The following CTNNA2 variants were observed in gnomAD, a reference collection of about 807,000 sequenced individuals.
CTNNA2 encodes catenin alpha-2.
A neutral mutation model predicts 101.0 loss-of-function variants in CTNNA2; 42 were observed. That is an observed-to-expected ratio of 0.42 (90% confidence interval 0.32 to 0.54). The LOEUF is 0.54. Among genes scored for constraint, CTNNA2 ranks in the 20% least tolerant of loss-of-function variants. CTNNA2 has a pLI of 0.14. For missense variants in CTNNA2, 871 were observed against 1,223.1 expected (o/e 0.71, Z 4.29); for synonymous variants, 450 against 456.4 (o/e 0.99, Z 0.18).
At chr2:79,443,228 A>G (rs915040586) in intron 4 of CTNNA2, among the ~76,000 whole-genome samples, 1 of 152,130 alleles carries the variant, frequency 6.6e-6, no homozygotes, top group Non-Finnish European at 1.5e-5. Flanking sequence ...CTGGAGACCT[A>G]AGGAACCTGT....
intron 3 of CTNNA2, among the ~76,000 whole-genome samples, chr2:79,334,303 C>T (rs1211647767): frequency 6.6e-6 from 1 of 151,884 alleles, no homozygotes; most frequent in African/African-American, 2.4e-5. Context: ...ACTATGCTGG[C>T]AGAACCAGAA....
intron 3 of CTNNA2, among the ~76,000 whole-genome samples, chr2:79,362,143 G>T (rs1165922344): frequency 6.6e-6 from 1 of 152,114 alleles, no homozygotes; most frequent in African/African-American, 2.4e-5. Context: ...ACTATACTAA[G>T]CCAGCTGTGC....
intron 2 of CTNNA2, among the ~76,000 whole-genome samples, chr2:79,687,996 C>T (rs545506114): frequency 8.6e-5 from 13 of 152,038 alleles, no homozygotes; most frequent in Admixed American, 2.0e-4. Flanking sequence ...GTGTCAACTT[C>T]GATTTGAGAG....
chr2:80,163,034 A>C (rs1704430317), intron 7 of CTNNA2: 2 of 1,564,250 alleles, frequency 1.3e-6, no homozygotes, highest in Non-Finnish European at 8.8e-7. Context: ...GTTTGATTCC[A>C]TTAAGTAGAT....
chr2:79,644,051 G>GTTTT (rs1373974036), intron 1 of CTNNA2, among the ~76,000 whole-genome samples: 1 of 151,756 alleles, frequency 6.6e-6, no homozygotes, highest in Non-Finnish European at 1.5e-5. Context: ...GTTTTGTTTT[G>GTTTT]TTTTGAGATG....
chr2:79,266,004 C>A (rs1184292349), intron 2 of CTNNA2, among the ~76,000 whole-genome samples: 3 of 152,036 alleles, frequency 2.0e-5, no homozygotes, highest in Non-Finnish European at 4.4e-5. Flanking sequence ...TTTAAATCAG[C>A]AAATTAAATA....
At chr2:80,516,957 G>GTT (rs1442510818) in intron 9 of CTNNA2, among the ~76,000 whole-genome samples, 1 of 152,158 alleles carries the variant, frequency 6.6e-6, no homozygotes, top group East Asian at 1.9e-4. Flanking sequence ...GGTAAGTTAA[G>GTT]TTTTGTTTTT....
intron 4 of CTNNA2, among the ~76,000 whole-genome samples, chr2:79,485,983 T>A (rs964337452): frequency 1.3e-5 from 2 of 152,202 alleles, no homozygotes; most frequent in Non-Finnish European, 2.9e-5. Flanking sequence ...GAGAGTAGAA[T>A]CATTTTTGGC....
intron 3 of CTNNA2, among the ~76,000 whole-genome samples, chr2:79,319,124 A>G (rs1370443204): frequency 1.3e-5 from 2 of 152,010 alleles, no homozygotes; most frequent in Non-Finnish European, 2.9e-5. Context: ...CAAACATACT[A>G]CTCACCTCTC....
At chr2:79,529,416 G>A (rs777985666) in intron 1 of CTNNA2, among the ~76,000 whole-genome samples, 24 of 152,276 alleles carry the variant, frequency 1.6e-4, no homozygotes, top group Non-Finnish European at 3.4e-4. Context: ...ACATCCAGAT[G>A]CAAGTCTTCA....
At chr2:80,079,880 A>AATAAAATAAAAT (rs1699026485) in intron 7 of CTNNA2, among the ~76,000 whole-genome samples, 2 of 104,186 alleles carry the variant, frequency 1.9e-5, no homozygotes, top group Non-Finnish European at 4.3e-5. Context: ...AATAAAATAA[A>AATAAAATAAAAT]ATAATAAAAT....
In CTNNA2 at chr2:80,540,401, A is replaced by G. The variant is rs535972681; in HGVS notation, c.1291-4581A>G. Among the ~76,000 whole-genome samples the G allele has an allele frequency of 1.6e-3, 246 of 152,214 alleles. 1 individual carries two copies. Among genetic ancestry groups the G allele is most frequent in the Non-Finnish European group, 3.0e-3 (202 of 68,014 alleles). ...CACTTGAGGCTAGGAGTTCGAGACCAGCCTGGCTAGCATGGTGAAACCCCA... is the reference window on the plus strand; with the variant it reads ...CACTTGAGGCTAGGAGTTCGAGACCGGCCTGGCTAGCATGGTGAAACCCCA... On this transcript the variant is annotated intron_variant, in intron 9 of 18. Transcript: ENST00000402739.
intron 2 of CTNNA2, among the ~76,000 whole-genome samples, chr2:79,261,301 G>A (rs549881271): frequency 1.2e-4 from 19 of 152,236 alleles, no homozygotes; most frequent in African/African-American, 3.6e-4. Flanking sequence ...GATAATACAC[G>A]TTGCACAATA....
At chr2:79,496,011 A>G (rs561365816) in intron 4 of CTNNA2, among the ~76,000 whole-genome samples, 1 of 152,238 alleles carries the variant, frequency 6.6e-6, no homozygotes, top group Admixed American at 6.5e-5. Context: ...AAGAATGACA[A>G]ATGACTGCTA....
chr2:79,702,277 T>A (rs1240593989), intron 2 of CTNNA2, among the ~76,000 whole-genome samples: 1 of 141,118 alleles, frequency 7.1e-6, no homozygotes, highest in Non-Finnish European at 1.5e-5. Flanking sequence ...TATACCATGA[T>A]GTGTGAAAAA....
chr2:79,303,424 T>A (rs969843370), intron 2 of CTNNA2, among the ~76,000 whole-genome samples: 2 of 152,178 alleles, frequency 1.3e-5, no homozygotes, highest in Non-Finnish European at 2.9e-5. Context: ...GGGCTATCAA[T>A]TCCTGCCCTG....
chr2:80,091,362 CAT>C (rs1422810227), intron 7 of CTNNA2, among the ~76,000 whole-genome samples: 6 of 152,088 alleles, frequency 3.9e-5, no homozygotes, highest in Non-Finnish European at 8.8e-5. Context: ...TATGAAAAGA[CAT>C]AATTAGTTTT....
rs1010630150 is a variant in CTNNA2, at chr2:79,200,556, G to T, written c.-406+2480G>T. Among the ~76,000 whole-genome samples, 6 of 152,082 alleles carry T rather than the reference G, an allele frequency of 3.9e-5. No homozygotes were observed. In the East Asian group the frequency reaches 9.6e-4, roughly 24 times the overall value. On this transcript the variant is annotated intron_variant, in intron 2 of 21. Coordinates refer to the CTNNA2 transcript ENST00000466387. ...CTCCATTTTCTGTAAGGAATTGCAGGCTATTATAAATTATTTTAGGTTCCT... is the reference window on the plus strand; with the variant it reads ...CTCCATTTTCTGTAAGGAATTGCAGTCTATTATAAATTATTTTAGGTTCCT...
intron 6 of CTNNA2, among the ~76,000 whole-genome samples, chr2:79,906,959 T>G (rs1278146497): frequency 6.6e-6 from 1 of 152,148 alleles, no homozygotes; most frequent in Non-Finnish European, 1.5e-5. Flanking sequence ...CCATGGAAAA[T>G]AATTTAGGAA....
Sources: gnomAD v4.1 joint callset for allele counts (sites outside exome capture counted in the v4.1 genomes callset) on GRCh38, gnomAD v4.1.1 for gene constraint, MANE v1.5 for transcripts, NCBI Gene and HGNC (gene_info 2026-07-23, HGNC 2026-07-21) for gene names.